Variants in KMT2E observed in about 807,000 individuals in gnomAD.
KMT2E encodes the protein histone reader KMT2E.
KMT2E carries 30 observed loss-of-function variants against 184.6 expected under a neutral mutation model. The ratio of observed to expected loss-of-function variants is 0.16; its 90% CI spans 0.12 to 0.22. The LOEUF (loss-of-function observed/expected upper bound fraction) is 0.22. KMT2E is among the 10% of genes least tolerant of loss of function. The pLI, the probability that KMT2E is intolerant of heterozygous loss-of-function variation, is 1.00. For missense variants in KMT2E, 2,023 were observed against 2,237.4 expected (o/e 0.90, Z 1.93); for synonymous variants, 815 against 776.5 (o/e 1.05, Z -0.82).
chr7:105,044,848 A>G (rs975059859), intron 3 of KMT2E, among the ~76,000 whole-genome samples: 1 of 152,180 alleles, frequency 6.6e-6, no homozygotes, highest in Non-Finnish European at 1.5e-5. Flanking sequence ...GAGGGAAAGG[A>G]AACCACACCC....
intron 25 of KMT2E, 52 bp from the exon 26 acceptor site, chr7:105,110,719 C>G: frequency 2.5e-6 from 4 of 1,581,450 alleles, no homozygotes; most frequent in Non-Finnish European, 3.5e-6. Flanking sequence ...GGTGTTAAAA[C>G]AGTGTTTATT....
chr7:105,015,217 T>C (rs1332677517), intron 1 of KMT2E, among the ~76,000 whole-genome samples: 1 of 152,198 alleles, frequency 6.6e-6, no homozygotes, highest in Non-Finnish European at 1.5e-5. Context: ...ATCTACAATA[T>C]GGCTCATTTC....
intron 5 of KMT2E, chr7:105,064,163 G>A (rs878995489): frequency 9.7e-6 from 1 of 103,200 alleles, no homozygotes; most frequent in Admixed American, 1.3e-4. Context: ...TTTTTTTCTT[G>A]GTTTTTTTTT....
At chr7:105,059,978 G>GTTCTTTT (rs1796734822) in intron 3 of KMT2E, among the ~76,000 whole-genome samples, 1 of 51,764 alleles carries the variant, frequency 1.9e-5, no homozygotes, top group South Asian at 1.0e-3. Flanking sequence ...TCTTGTTGTT[G>GTTCTTTT]TTTTTTTTTT....
chr7:105,033,560 A>G (rs1214616053), intron 1 of KMT2E, among the ~76,000 whole-genome samples: 1 of 151,866 alleles, frequency 6.6e-6, no homozygotes. Flanking sequence ...GTGCAGTTTC[A>G]TGATCTCGGC....
intron 20 of KMT2E, among the ~76,000 whole-genome samples, 162 bp from the exon 21 acceptor site, chr7:105,107,004 A>G (rs1798928151): frequency 6.6e-6 from 1 of 152,228 alleles, no homozygotes; most frequent in Non-Finnish European, 1.5e-5. Flanking sequence ...GTGTGTATCT[A>G]ATTGATCTTA....
intron 13 of KMT2E, among the ~76,000 whole-genome samples, chr7:105,088,378 G>A (rs1798070470): frequency 6.6e-6 from 1 of 152,188 alleles, no homozygotes; most frequent in Admixed American, 6.5e-5. Flanking sequence ...GAGGCGGGAG[G>A]TAGGACCATA....
chr7:105,036,416 G>A (rs1215221910), intron 1 of KMT2E, among the ~76,000 whole-genome samples: 1 of 151,718 alleles, frequency 6.6e-6, no homozygotes, highest in Non-Finnish European at 1.5e-5. Flanking sequence ...TGACCCACCC[G>A]CCTAGGCCTC....
intron 3 of KMT2E, among the ~76,000 whole-genome samples, chr7:105,057,601 G>T (rs1305937045): frequency 6.6e-6 from 1 of 151,962 alleles, no homozygotes; most frequent in African/African-American, 2.4e-5. Context: ...ATAGGTGTGA[G>T]CCACCATGCC....
At chr7:105,059,048 G>A (rs1257763765) in intron 3 of KMT2E, among the ~76,000 whole-genome samples, 1 of 152,146 alleles carries the variant, frequency 6.6e-6, no homozygotes, top group Non-Finnish European at 1.5e-5. Flanking sequence ...TCTATAGAAT[G>A]AACACTGCAT....
chr7:105,050,978 C>T (rs552218947), intron 3 of KMT2E, among the ~76,000 whole-genome samples: 1 of 152,018 alleles, frequency 6.6e-6, no homozygotes, highest in African/African-American at 2.4e-5. Context: ...CCACCTGCCT[C>T]GGCCTCCCAA....
chr7:105,031,186 G>C (rs1179504983), intron 1 of KMT2E, among the ~76,000 whole-genome samples: 2 of 149,640 alleles, frequency 1.3e-5, no homozygotes, highest in Admixed American at 6.7e-5. Flanking sequence ...GTGAAACCCT[G>C]TCTCTACTAA....
chr7:105,075,129 G>A (rs1252855666), intron 8 of KMT2E, among the ~76,000 whole-genome samples: 2 of 150,628 alleles, frequency 1.3e-5, no homozygotes, highest in Non-Finnish European at 2.9e-5. Flanking sequence ...TCACTTGTCT[G>A]TCTGACATAA....
At chr7:105,065,393 A>G (rs1796987052) in intron 5 of KMT2E, among the ~76,000 whole-genome samples, 2 of 152,078 alleles carry the variant, frequency 1.3e-5, no homozygotes, top group Admixed American at 1.3e-4. Flanking sequence ...ACTTTGATAT[A>G]TATTTCACAT....
chr7:105,102,209 AATGT>A lies in KMT2E; in HGVS notation c.2196+17_2196+20del, dbSNP rs1326577451. The A allele has an allele frequency of 5.1e-6, 8 of 1,568,936 alleles. No individual in the cohort carries two copies. In the Admixed American group the frequency reaches 1.1e-4, roughly 21 times the overall value. ...AAACAAAGAAGGTATGATTCTAATG[AATGT>A]AAGAACTGTTTTTCTAACAGTTTCT... On this transcript the variant is annotated intron_variant, in intron 17 of 26. Transcript: ENST00000311117.
At chr7:105,048,352 T>TA (rs1291446303) in intron 3 of KMT2E, among the ~76,000 whole-genome samples, 1 of 152,160 alleles carries the variant, frequency 6.6e-6, no homozygotes, top group Non-Finnish European at 1.5e-5. Flanking sequence ...CCTCATTTTT[T>TA]AACACCAGGA....
At position 105,091,245 on chromosome 7, in the gene KMT2E, A is replaced by C; in HGVS notation, c.1653A>C (p.Glu551Asp). 1 of 1,587,568 alleles carries C rather than the reference A, an allele frequency of 6.3e-7. No homozygotes were observed. Among genetic ancestry groups the C allele is most frequent in the East Asian group, 2.2e-5 (1 of 44,756 alleles). ...QEPDFIDDIE[E>D]KTPISNEVEM... ...CAGATTTTATTGATGATATAGAAGA[A>C]AAAACTCCTATTAGTAATGAAGTAG... is the stretch of plus-strand genomic sequence containing the variant. The change falls in exon 15 of 27, where the codon GAA becomes GAC. Residue 551 changes from glutamate (E) to aspartate (D), a missense_variant. By Grantham distance (45) the Glu-to-Asp change is conservative. Transcript: ENST00000311117.
At chr7:105,020,291 C>A (rs892814460) in intron 1 of KMT2E, among the ~76,000 whole-genome samples, 3 of 152,104 alleles carry the variant, frequency 2.0e-5, no homozygotes, top group Non-Finnish European at 2.9e-5. Context: ...GTGGTACTTA[C>A]AACTTTAAAG....
intron 23 of KMT2E, among the ~76,000 whole-genome samples, chr7:105,109,861 T>TTTTA (rs1799113494): frequency 7.0e-6 from 1 of 142,650 alleles, no homozygotes; most frequent in African/African-American, 2.6e-5. Context: ...TTTTTTTTTT[T>TTTTA]GAGCTGGAGT....
Sources: gnomAD v4.1 joint callset for allele counts (sites outside exome capture counted in the v4.1 genomes callset) on GRCh38, gnomAD v4.1.1 for gene constraint, MANE v1.5 for transcripts, NCBI Gene and HGNC (gene_info 2026-07-23, HGNC 2026-07-21) for gene names.